The following DDX60L variants were observed in gnomAD, a reference collection of about 807,000 sequenced individuals.
DDX60L encodes DExD/H-box 60 like, also known as probable ATP-dependent RNA helicase DDX60-like.
A neutral mutation model predicts 211.6 loss-of-function variants in DDX60L; 191 were observed. The ratio of observed to expected loss-of-function variants is 0.90; its 90% confidence interval spans 0.80 to 1.02. The LOEUF is 1.02. DDX60L is among the 50% of genes least tolerant of loss of function. The pLI is 0.00. For missense variants in DDX60L, 2,007 were observed against 1,984.1 expected (o/e 1.01, Z -0.22); for synonymous variants, 706 against 694.1 (o/e 1.02, Z -0.27).
intron 29 of DDX60L, 97 bp downstream of exon 29, chr4:168,391,443 G>T: frequency 1.3e-6 from 1 of 786,500 alleles, no homozygotes; most frequent in East Asian, 2.7e-5. Context: ...TAAAAGGAAG[G>T]ACACAAACCG....
intron 4 of DDX60L, among the ~76,000 whole-genome samples, chr4:168,464,443 A>ATTTTTTTTT (rs34052527): frequency 7.2e-6 from 1 of 138,930 alleles, no homozygotes; most frequent in East Asian, 2.0e-4. Flanking sequence ...TTATAATTGT[A>ATTTTTTTTT]TTTTTTTTTT....
Position 168,384,787 on chromosome 4 carries a change from C to T in DDX60L, c.3941G>A (p.Gly1314Asp), listed in dbSNP as rs1236100571. Residue 1314 changes from glycine to aspartate, a missense_variant, in exon 30 of 38, where the codon GGT (glycine) becomes GAT (aspartate). Transcript: ENST00000682922. ...RQMSGRAGRRGQDLLGNVYFF... is the reference protein window; with the variant it reads ...RQMSGRAGRRDQDLLGNVYFF... ...ATACACATTTCCAAGCAGGTCTTGACCTCTTCTTCCAGCACGACCAGACAT... is the reference window on the plus strand; with the variant it reads ...ATACACATTTCCAAGCAGGTCTTGATCTCTTCTTCCAGCACGACCAGACAT... The T allele has an allele frequency of 6.2e-7, 1 of 1,613,350 alleles. No homozygotes were observed. Among genetic ancestry groups the T allele is most frequent in the South Asian group, 1.1e-5 (1 of 90,970 alleles).
intron 14 of DDX60L, among the ~76,000 whole-genome samples, chr4:168,425,021 T>C (rs1751231188): frequency 1.3e-5 from 2 of 152,222 alleles, no homozygotes. Flanking sequence ...ACAGTTATCA[T>C]GGCTGTAGCA....
chr4:168,437,830 C>A (rs1314675375), intron 10 of DDX60L, among the ~76,000 whole-genome samples: 1 of 151,358 alleles, frequency 6.6e-6, no homozygotes, highest in Non-Finnish European at 1.5e-5. Flanking sequence ...TCCTGGTCTT[C>A]ACTTAAACCC....
At chr4:168,400,694 C>T (rs1746642006) in intron 26 of DDX60L, 132 bp downstream of exon 26, 1 of 731,626 alleles carries the variant, frequency 1.4e-6, no homozygotes, top group African/African-American at 1.8e-5. Context: ...CCCAAATTTA[C>T]TCTATTTGCA....
rs138575847 is a variant in DDX60L, at chr4:168,405,012, A to AT, written c.3214-907dup. Among the ~76,000 whole-genome samples, 287 of 145,568 alleles carry AT rather than the reference A, an allele frequency of 2.0e-3. 1 individual carries two copies. Among genetic ancestry groups the AT allele is most frequent in the East Asian group, 5.4e-3 (27 of 4,992 alleles). ...TGTAATATTTCCTAACATCAGTATC[A>AT]TTTTTTTTTTTTTTGAAGATGAGTC... On this transcript the variant is annotated intron_variant, in intron 24 of 37. Coordinates refer to ENST00000682922, the MANE Select transcript of DDX60L (RefSeq NM_001012967.3).
At chr4:168,386,092 C>T (rs898377451) in intron 29 of DDX60L, among the ~76,000 whole-genome samples, 1 of 151,980 alleles carries the variant, frequency 6.6e-6, no homozygotes, top group African/African-American at 2.4e-5. Context: ...TCAGATCCTT[C>T]ATTTGCAAAT....
intron 12 of DDX60L, among the ~76,000 whole-genome samples, chr4:168,431,798 G>GA (rs537342761): frequency 2.5e-3 from 387 of 152,048 alleles, no homozygotes; most frequent in African/African-American, 8.8e-3. Context: ...AATGAACCAG[G>GA]AAAAAAAGAT....
chr4:168,457,216 A>G (rs1294057022), intron 6 of DDX60L, among the ~76,000 whole-genome samples: 1 of 148,408 alleles, frequency 6.7e-6, no homozygotes, highest in East Asian at 2.0e-4. Context: ...GCCTTGTCTG[A>G]AAAAAAAACA....
chr4:168,362,905 A>C (rs988486396), intron 36 of DDX60L, among the ~76,000 whole-genome samples: 2 of 152,222 alleles, frequency 1.3e-5, no homozygotes, highest in African/African-American at 4.8e-5. Flanking sequence ...TATTATTAAC[A>C]AAATAATAGC....
chr4:168,448,985 T>G lies in DDX60L; in HGVS notation c.997-206A>C, dbSNP rs80240263. ...CTTTTAAAACTGGGAATTGCACTGC[T>G]TATCCTAGTACTCATTATTTACCTT... On this transcript the variant is annotated intron_variant, in intron 8 of 37. Transcript: ENST00000682922. 3.9e-5 allele frequency among the ~76,000 whole-genome samples: 6 copies of G among 152,318 alleles called. No homozygotes were observed. In the East Asian group the frequency reaches 1.2e-3, roughly 29 times the overall value.
At chr4:168,406,785 C>T (rs1747821691) in intron 22 of DDX60L, 79 bp from the exon 23 acceptor site, 1 of 1,077,758 alleles carries the variant, frequency 9.3e-7, no homozygotes, top group Admixed American at 2.8e-5. Flanking sequence ...TCTTTCATGA[C>T]TAAACCCTCA....
chr4:168,479,316 G>A (rs1760065174), intron 1 of DDX60L, among the ~76,000 whole-genome samples: 1 of 152,194 alleles, frequency 6.6e-6, no homozygotes, highest in Admixed American at 6.5e-5. Flanking sequence ...TCAACTCTCA[G>A]CACCTGAGTT....
rs1757353888 is a variant in DDX60L, at chr4:168,461,812, A to G, written c.493T>C (p.Ser165Pro). ...TYLFNFLIIHSWGMKVNVVLS... is the reference protein window; with the variant it reads ...TYLFNFLIIHPWGMKVNVVLS... ...ACAACATTGACTTTCATTCCCCAGG[A>G]ATGTATGATTAGGAAGTTAAAAAGG... Residue 165 changes from serine (S) to proline (P), a missense_variant, in exon 5 of 38, where the codon TCC (serine) becomes CCC (proline). Transcript: ENST00000682922. The G allele has an allele frequency of 6.2e-7, 1 of 1,606,862 alleles. No homozygotes were observed.
At chr4:168,397,542 T>C (rs1346613129) in intron 26 of DDX60L, among the ~76,000 whole-genome samples, 2 of 152,098 alleles carry the variant, frequency 1.3e-5, no homozygotes, top group Admixed American at 1.3e-4. Flanking sequence ...AATGAGCAGA[T>C]TTATGAGCTA....
At chr4:168,454,099 G>A (rs1272554889) in intron 7 of DDX60L, among the ~76,000 whole-genome samples, 8 of 151,978 alleles carry the variant, frequency 5.3e-5, no homozygotes, top group African/African-American at 9.7e-5. Flanking sequence ...TCCCACCCAC[G>A]GCACATCTTC....
At chr4:168,373,358 C>T (rs1210459436) in intron 35 of DDX60L, among the ~76,000 whole-genome samples, 1 of 151,996 alleles carries the variant, frequency 6.6e-6, no homozygotes, top group Non-Finnish European at 1.5e-5. Context: ...GGTCTATGAT[C>T]AATTTTAGAA....
At chr4:168,440,729 C>T (rs991290559) in intron 10 of DDX60L, among the ~76,000 whole-genome samples, 2 of 152,172 alleles carry the variant, frequency 1.3e-5, no homozygotes, top group Non-Finnish European at 2.9e-5. Flanking sequence ...TTCCACAGCA[C>T]TCATTAGTTC....
Position 168,406,590 on chromosome 4 carries a change from T to G in DDX60L, c.3084+12A>C. On this transcript the variant is annotated intron_variant, in intron 23 of 37. Transcript: ENST00000682922. ...AAAGTTCATTTTGGTGAATATATAT[T>G]TCTATATTTACCTGAGCCCTGGGCC... 3 of 1,542,506 alleles carry G rather than the reference T, an allele frequency of 1.9e-6. No individual in the cohort carries two copies. Among genetic ancestry groups the G allele is most frequent in the Non-Finnish European group, 2.6e-6 (3 of 1,132,104 alleles).
Sources: gnomAD v4.1 joint callset for allele counts (sites outside exome capture counted in the v4.1 genomes callset) on GRCh38, gnomAD v4.1.1 for gene constraint, MANE v1.5 for transcripts, NCBI Gene and HGNC (gene_info 2026-07-23, HGNC 2026-07-21) for gene names.